Variants in ANPEP observed in about 807,000 individuals in gnomAD.
ANPEP encodes the protein alanyl aminopeptidase, membrane.
In ANPEP, 70 loss-of-function variants were observed where a neutral mutation model predicts 114.6. That is an observed-to-expected ratio of 0.61 (90% CI 0.50 to 0.75). The LOEUF (loss-of-function observed/expected upper bound fraction) is 0.75, where lower values mean the gene tolerates loss of function less well. Among genes scored for constraint, ANPEP ranks in the 30% least tolerant of loss-of-function variants. ANPEP has a pLI of 0.00. For missense variants in ANPEP, 1,184 were observed against 1,259.5 expected, an observed-to-expected ratio of 0.94 and a Z score of 0.91; for synonymous variants, 548 against 522.3, an observed-to-expected ratio of 1.05 and a Z score of -0.67.
chr15:89,789,775 C>CAAAAA lies in ANPEP; in HGVS notation c.2751+680_2751+684dup, dbSNP rs57965822. 1.1e-3 allele frequency among the ~76,000 whole-genome samples: 111 copies of CAAAAA among 97,474 alleles called. 8 individuals carry two copies. Among genetic ancestry groups the CAAAAA allele is most frequent in the African/African-American group, 4.3e-3 (105 of 24,330 alleles). 63.9% of individuals were successfully genotyped at this position (97,474 alleles called of 152,430 possible). ...TGCATGACAGAGCGAGACTCAGTCTCAAAAAAAAAAAAAAGCTGGACGCCG... is the reference window on the plus strand; with the variant it reads ...TGCATGACAGAGCGAGACTCAGTCTCAAAAAAAAAAAAAAAAAAAGCTGGACGCCG... On this transcript the variant is annotated intron_variant, in intron 20 of 20. Coordinates refer to ENST00000300060, the MANE Select transcript of ANPEP (RefSeq NM_001150.3).
intron 20 of ANPEP, among the ~76,000 whole-genome samples, chr15:89,789,775 CA>C (rs57965822): frequency 1.7e-3 from 162 of 97,352 alleles, no homozygotes; most frequent in Middle Eastern, 7.0e-3. Flanking sequence ...GACTCAGTCT[CA>C]AAAAAAAAAA....
intron 20 of ANPEP, among the ~76,000 whole-genome samples, chr15:89,790,058 C>CAA (rs563239419): frequency 1.8e-5 from 2 of 110,654 alleles, no homozygotes; most frequent in South Asian, 3.0e-4. Flanking sequence ...GACTCCATCT[C>CAA]AAAAAAAAAA....
intron 20 of ANPEP, among the ~76,000 whole-genome samples, chr15:89,789,754 T>G (rs950608968): frequency 7.7e-6 from 1 of 130,360 alleles, no homozygotes; most frequent in Non-Finnish European, 1.5e-5. Flanking sequence ...CCAGCCTGCA[T>G]GACAGAGCGA....
intron 1 of ANPEP, among the ~76,000 whole-genome samples, chr15:89,812,617 C>G (rs1894835821): frequency 6.6e-6 from 1 of 152,052 alleles, no homozygotes; most frequent in Non-Finnish European, 1.5e-5. Flanking sequence ...GGCCACAGAT[C>G]CTGCCTGGCA....
rs544060268 is a variant in ANPEP, at chr15:89,785,339, G to T, written c.*10C>A. ...TTGCATGGGGGCCGGGTGACTTCAAGGGCTGGGGACTATTTGCTGTTTTCT... is the reference window on the plus strand; with the variant it reads ...TTGCATGGGGGCCGGGTGACTTCAATGGCTGGGGACTATTTGCTGTTTTCT... On this transcript the variant is annotated 3_prime_UTR_variant, in exon 21 of 21. Transcript: ENST00000300060. 232 of 1,614,182 alleles carry T rather than the reference G, an allele frequency of 1.4e-4. 6 individuals carry two copies. In the South Asian group the frequency reaches 2.5e-3, roughly 17 times the overall value.
chr15:89,792,642 G>A lies in ANPEP; in HGVS notation c.2250-80C>T, dbSNP rs927656063. 145 of 1,275,138 alleles carry A rather than the reference G, an allele frequency of 1.1e-4. 1 individual carries two copies. The highest frequency in any genetic ancestry group is 1.8e-4 in the Admixed American group (10 of 54,490). 79.0% of individuals were successfully genotyped at this position (1,275,138 alleles called of 1,614,324 possible). A position where few individuals can be genotyped will look rare whatever the true frequency, so the allele number is the denominator to read the frequency against. ...ACCTCTTGACACACAACCCCAGGCC[G>A]GCACCCTGCCTAAGGCTCTGTGGCC... On this transcript the variant is annotated intron_variant, in intron 16 of 20. Coordinates refer to ENST00000300060, the MANE Select transcript of ANPEP (RefSeq NM_001150.3).
At chr15:89,800,011 T>C (rs1894555314) in intron 12 of ANPEP, among the ~76,000 whole-genome samples, 1 of 152,014 alleles carries the variant, frequency 6.6e-6, no homozygotes, top group Admixed American at 6.5e-5. Context: ...GTCCCCCTCC[T>C]CCCTCACTCC....
chr15:89,794,021 T>A (rs1005958737), intron 15 of ANPEP, among the ~76,000 whole-genome samples: 6 of 151,994 alleles, frequency 3.9e-5, no homozygotes, highest in Non-Finnish European at 8.8e-5. Flanking sequence ...AAACCCCCAA[T>A]AACAAAGAAC....
At chr15:89,796,387 T>C (rs1968726651) in intron 15 of ANPEP, among the ~76,000 whole-genome samples, 1 of 152,204 alleles carries the variant, frequency 6.6e-6, no homozygotes, top group African/African-American at 2.4e-5. Context: ...TTAACTACAT[T>C]AGGAGGATGG....
At chr15:89,813,271 A>T (rs1344813793) in intron 1 of ANPEP, among the ~76,000 whole-genome samples, 1 of 152,176 alleles carries the variant, frequency 6.6e-6, no homozygotes, top group Non-Finnish European at 1.5e-5. Flanking sequence ...TCCTTCCGAC[A>T]TGGGGACCCC....
chr15:89,798,711 G>C (rs1449411195), intron 14 of ANPEP, among the ~76,000 whole-genome samples: 2 of 150,168 alleles, frequency 1.3e-5, no homozygotes, highest in African/African-American at 4.9e-5. Flanking sequence ...GGAAGCCGAG[G>C]TGGGTGGATC....
At position 89,803,604 on chromosome 15, in the gene ANPEP, G is replaced by T; in HGVS notation, c.1437+43C>A. On this transcript the variant is annotated intron_variant, in intron 8 of 20. Coordinates refer to ENST00000300060, the MANE Select transcript of ANPEP (RefSeq NM_001150.3). This position sits in a 1 kb window ranked among gnomAD's most constrained non-coding sequence, Gnocchi z 4.2. Reference sequence around the variant, plus strand: ...CTTCAGTGAGGCCCCTCCAGGCCAAGTCCCCACCTCCTTCCCCGTGCCCCA... The same window carrying T: ...CTTCAGTGAGGCCCCTCCAGGCCAATTCCCCACCTCCTTCCCCGTGCCCCA... 1 of 1,603,110 alleles carries T rather than the reference G, an allele frequency of 6.2e-7. No individual in the cohort carries two copies.
intron 1 of ANPEP, among the ~76,000 whole-genome samples, chr15:89,810,186 T>C (rs1233469995): frequency 6.6e-6 from 1 of 152,126 alleles, no homozygotes; most frequent in Non-Finnish European, 1.5e-5. Context: ...GAGACCAGCC[T>C]GGCCAACATG....
At chr15:89,813,285 C>G (rs1427474244) in intron 1 of ANPEP, among the ~76,000 whole-genome samples, 2 of 152,222 alleles carry the variant, frequency 1.3e-5, no homozygotes, top group Non-Finnish European at 2.9e-5. Flanking sequence ...GGACCCCCAT[C>G]TATGTCCTCA....
chr15:89,790,442 T>C lies in ANPEP; in HGVS notation c.2751+18A>G. On this transcript the variant is annotated intron_variant, in intron 20 of 20. Transcript: ENST00000300060. ...GAAGGAAGTAGGCAGAGCCCAGGTCTGGGGAATGACTTCTTACCTGCTGCA... is the reference window on the plus strand; with the variant it reads ...GAAGGAAGTAGGCAGAGCCCAGGTCCGGGGAATGACTTCTTACCTGCTGCA... The C allele has an allele frequency of 6.2e-7, 1 of 1,610,668 alleles. No individual in the cohort carries two copies. Among genetic ancestry groups the C allele is most frequent in the Non-Finnish European group, 8.5e-7 (1 of 1,177,074 alleles).
At chr15:89,804,878 C>T in intron 4 of ANPEP, 200 bp downstream of exon 4, 1 of 881,436 alleles carries the variant, frequency 1.1e-6, no homozygotes, top group Non-Finnish European at 1.7e-6. Context: ...GAACTCCCTT[C>T]ATGAAGAGAA....
chr15:89,797,843 G>A, intron 14 of ANPEP, 121 bp from the exon 15 acceptor site: 1 of 1,354,160 alleles, frequency 7.4e-7, no homozygotes, highest in Non-Finnish European at 1.0e-6. Context: ...TCCACTCCTG[G>A]AGCCGGAGGT....
rs1309700144 is a variant in ANPEP, at chr15:89,805,077, C to A, written c.897+1G>T. Reference sequence around the variant, plus strand: ...AAGGAGAGATGGGCCCAGCCTCATACCAAGACACCATTGGATGCCTGCTTC... The same window carrying A: ...AAGGAGAGATGGGCCCAGCCTCATAACAAGACACCATTGGATGCCTGCTTC... On this transcript the variant is annotated splice_donor_variant, in intron 4 of 20. Transcript: ENST00000300060. LOFTEE classifies it high-confidence loss of function. 1.2e-6 allele frequency: 2 copies of A among 1,614,228 alleles called. No homozygotes were observed. Among genetic ancestry groups the A allele is most frequent in the Admixed American group, 1.7e-5 (1 of 60,026 alleles).
intron 1 of ANPEP, among the ~76,000 whole-genome samples, chr15:89,809,146 A>G (rs1894775750): frequency 1.3e-5 from 2 of 152,232 alleles, no homozygotes. Context: ...AGTGGCTCCC[A>G]GCACATGCTG....
Sources: gnomAD v4.1 joint callset for allele counts (sites outside exome capture counted in the v4.1 genomes callset) on GRCh38, gnomAD v4.1.1 for gene constraint, Gnocchi (gnomAD v3.1) non-coding constraint, MANE v1.5 for transcripts, NCBI Gene and HGNC (gene_info 2026-07-23, HGNC 2026-07-21) for gene names.